The following TIAM1 variants were observed in gnomAD, a reference collection of about 807,000 sequenced individuals.
TIAM1 encodes TIAM Rac1 associated GEF 1.
TIAM1 carries 65 observed loss-of-function variants against 163.5 expected under a neutral mutation model. The observed-to-expected ratio is 0.40, with a 90% CI of 0.33 to 0.49. The LOEUF (loss-of-function observed/expected upper bound fraction) is 0.49, where lower values mean the gene tolerates loss of function less well. Among genes scored for constraint, TIAM1 ranks in the 20% least tolerant of loss-of-function variants. TIAM1 has a pLI of 0.77. For synonymous variants in TIAM1, 833 were observed against 810.1 expected (o/e 1.03, Z -0.48); for missense variants, 1,789 against 2,044.7 (o/e 0.87, Z 2.41).
intron 2 of TIAM1, among the ~76,000 whole-genome samples, chr21:31,283,863 C>G (rs538224929): frequency 1.5e-3 from 224 of 152,214 alleles, no homozygotes; most frequent in Non-Finnish European, 2.7e-3. Flanking sequence ...TTCTTAAAGC[C>G]GCAAAGCTAC....
At chr21:31,251,107 CT>C (rs2071779376) in intron 5 of TIAM1, among the ~76,000 whole-genome samples, 1 of 152,170 alleles carries the variant, frequency 6.6e-6, no homozygotes, top group Non-Finnish European at 1.5e-5. Flanking sequence ...ATAAATTTCC[CT>C]CCAAAATAGT....
chr21:31,462,818 C>A (rs1241567919), intron 2 of TIAM1, among the ~76,000 whole-genome samples: 2 of 151,178 alleles, frequency 1.3e-5, no homozygotes, highest in African/African-American at 4.9e-5. Context: ...TCTTCGCTCA[C>A]TGCAACCTCC....
chr21:31,343,445 A>G (rs2076077741), intron 1 of TIAM1, among the ~76,000 whole-genome samples: 2 of 152,168 alleles, frequency 1.3e-5, no homozygotes, highest in Admixed American at 6.5e-5. Flanking sequence ...TGACTTAGGC[A>G]ATCGATCCAA....
intron 6 of TIAM1, among the ~76,000 whole-genome samples, chr21:31,233,295 G>A (rs1228600097): frequency 6.6e-6 from 1 of 152,120 alleles, no homozygotes; most frequent in Non-Finnish European, 1.5e-5. Context: ...TTTTTTAAGA[G>A]GCTAGATAGG....
intron 14 of TIAM1, among the ~76,000 whole-genome samples, chr21:31,184,814 G>A (rs2085202144): frequency 6.6e-6 from 1 of 152,112 alleles, no homozygotes; most frequent in African/African-American, 2.4e-5. Context: ...GAACAAGAAG[G>A]AAAATGCTCC....
intron 1 of TIAM1, among the ~76,000 whole-genome samples, chr21:31,483,233 T>C (rs928377308): frequency 1.3e-5 from 2 of 152,134 alleles, no homozygotes; most frequent in Non-Finnish European, 2.9e-5. Context: ...CCCACCACCA[T>C]GGGATCAAGC....
intron 2 of TIAM1, among the ~76,000 whole-genome samples, chr21:31,404,039 A>G (rs1217494052): frequency 1.3e-5 from 2 of 152,146 alleles, no homozygotes; most frequent in African/African-American, 4.8e-5. Context: ...AATCCACTCT[A>G]ACAGTTATCA....
chr21:31,532,881 G>A (rs1321396793), intron 1 of TIAM1, among the ~76,000 whole-genome samples: 1 of 152,138 alleles, frequency 6.6e-6, no homozygotes, highest in African/African-American at 2.4e-5. Context: ...TGTAGGTCGA[G>A]GCCACAGTGA....
At chr21:31,243,045 A>C (rs1442203974) in intron 6 of TIAM1, among the ~76,000 whole-genome samples, 1 of 150,206 alleles carries the variant, frequency 6.7e-6, no homozygotes, top group Non-Finnish European at 1.5e-5. Context: ...ATACAAAATT[A>C]GCTGGGCTTG....
At chr21:31,453,561 C>T (rs368255699) in intron 2 of TIAM1, among the ~76,000 whole-genome samples, 2 of 151,934 alleles carry the variant, frequency 1.3e-5, no homozygotes, top group African/African-American at 2.4e-5. Flanking sequence ...GGTGTGGTGG[C>T]GCACGCCTGT....
chr21:31,513,778 C>T (rs759566034), intron 1 of TIAM1, among the ~76,000 whole-genome samples: 7 of 152,090 alleles, frequency 4.6e-5, no homozygotes, highest in Admixed American at 2.0e-4. Flanking sequence ...GAAGCCGAGG[C>T]GGGTGGATCA....
rs2081951448 is a variant in TIAM1, at chr21:31,120,357, A to C, written c.*11T>G. ...TATCTACACACATTCTCTACGGGGC[A>C]GGTGACGCAGTCAGATCTCAGTGTT... On this transcript the variant is annotated 3_prime_UTR_variant, in exon 28 of 28. Coordinates refer to ENST00000541036, the MANE Select transcript of TIAM1 (RefSeq NM_001353694.2). The surrounding 1 kb of genome is among the most constrained non-coding windows in gnomAD (Gnocchi z 4.2). 1 of 1,594,602 alleles carries C rather than the reference A, an allele frequency of 6.3e-7. No homozygotes were observed. Among genetic ancestry groups the C allele is most frequent in the Non-Finnish European group, 8.5e-7 (1 of 1,169,596 alleles).
At chr21:31,425,497 G>GGATCTT (rs979496892) in intron 2 of TIAM1, among the ~76,000 whole-genome samples, 1 of 151,948 alleles carries the variant, frequency 6.6e-6, no homozygotes, top group African/African-American at 2.4e-5. Context: ...AGTCAACTAG[G>GGATCTT]GATCTTGAGA....
intron 15 of TIAM1, 39 bp from the exon 16 acceptor site, chr21:31,165,104 G>A (rs1340331416): frequency 6.3e-7 from 1 of 1,599,878 alleles, no homozygotes. Flanking sequence ...GGTCAACATG[G>A]ACAGTAATTG....
At chr21:31,229,988 T>C (rs1421120132) in intron 6 of TIAM1, among the ~76,000 whole-genome samples, 1 of 152,138 alleles carries the variant, frequency 6.6e-6, no homozygotes, top group Non-Finnish European at 1.5e-5. Flanking sequence ...TGTGTGGGCA[T>C]CCAGATGCAA....
chr21:31,398,716 A>G (rs2077114360), intron 2 of TIAM1, among the ~76,000 whole-genome samples: 1 of 152,260 alleles, frequency 6.6e-6, no homozygotes, highest in Non-Finnish European at 1.5e-5. Context: ...CACTTTGATA[A>G]ATATCTAAGC....
At chr21:31,187,538 T>C (rs2085362731) in intron 13 of TIAM1, among the ~76,000 whole-genome samples, 1 of 152,198 alleles carries the variant, frequency 6.6e-6, no homozygotes, top group Non-Finnish European at 1.5e-5. Flanking sequence ...TGGACACTGC[T>C]TTAATACAAT....
At chr21:31,160,417 A>T in intron 16 of TIAM1, 1 of 398,628 alleles carries the variant, frequency 2.5e-6, no homozygotes, top group Non-Finnish European at 4.4e-6. Context: ...ACCTAGCAAG[A>T]TAGGATTCAA....
intron 2 of TIAM1, among the ~76,000 whole-genome samples, chr21:31,337,575 A>G (rs1309542321): frequency 6.7e-6 from 1 of 149,348 alleles, no homozygotes; most frequent in Non-Finnish European, 1.5e-5. Context: ...TCTATTGCCC[A>G]GGCTGGAGTG....
Sources: gnomAD v4.1 joint callset for allele counts (sites outside exome capture counted in the v4.1 genomes callset) on GRCh38, gnomAD v4.1.1 for gene constraint, Gnocchi (gnomAD v3.1) non-coding constraint, MANE v1.5 for transcripts, NCBI Gene and HGNC (gene_info 2026-07-23, HGNC 2026-07-21) for gene names.